CTNNA3: variants seen among roughly 807,000 people sequenced by gnomAD.
The protein encoded by CTNNA3 is catenin alpha 3, also known as catenin alpha-3.
A neutral mutation model predicts 95.7 loss-of-function variants in CTNNA3; 76 were observed. The ratio of observed to expected loss-of-function variants is 0.79; its 90% CI spans 0.66 to 0.96. CTNNA3 has a LOEUF of 0.96. CTNNA3 is among the 40% of genes least tolerant of loss of function. CTNNA3 has a pLI of 0.00. For missense variants in CTNNA3, 1,191 were observed against 1,089.8 expected, an observed-to-expected ratio of 1.09 and a Z score of -1.31; for synonymous variants, 431 against 374.4, an observed-to-expected ratio of 1.15 and a Z score of -1.74.
chr10:67,532,506 C>T (rs369357980), intron 4 of CTNNA3, among the ~76,000 whole-genome samples: 11 of 152,080 alleles, frequency 7.2e-5, no homozygotes, highest in Admixed American at 2.0e-4. Context: ...AATTCTGGAC[C>T]CATTTCCTGT....
chr10:66,408,579 G>A (rs1362266168), intron 11 of CTNNA3, among the ~76,000 whole-genome samples: 1 of 151,928 alleles, frequency 6.6e-6, no homozygotes, highest in African/African-American at 2.4e-5. Flanking sequence ...TCCTTAAGCT[G>A]TACAAAGTAT....
chr10:66,764,362 A>G (rs184032183), intron 9 of CTNNA3, among the ~76,000 whole-genome samples: 1 of 152,290 alleles, frequency 6.6e-6, no homozygotes, highest in East Asian at 1.9e-4. Flanking sequence ...CCTCGAAGGT[A>G]GTGTCTTAGT....
chr10:66,721,913 G>T (rs1001130910), intron 9 of CTNNA3, among the ~76,000 whole-genome samples: 5 of 152,056 alleles, frequency 3.3e-5, no homozygotes, highest in Non-Finnish European at 7.4e-5. Flanking sequence ...ACCATAAGTG[G>T]TGCAACACAG....
intron 7 of CTNNA3, among the ~76,000 whole-genome samples, chr10:66,878,528 T>G (rs1844716528): frequency 1.3e-5 from 2 of 152,086 alleles, no homozygotes; most frequent in Admixed American, 1.3e-4. Flanking sequence ...TGAACCAAAG[T>G]GTCTTCCTTT....
chr10:66,340,354 A>G (rs1338394337), intron 12 of CTNNA3, among the ~76,000 whole-genome samples: 1 of 151,878 alleles, frequency 6.6e-6, no homozygotes, highest in East Asian at 1.9e-4. Flanking sequence ...AGAGTCAGAG[A>G]GGTCAAGGAG....
intron 11 of CTNNA3, among the ~76,000 whole-genome samples, chr10:66,462,575 T>C (rs562776770): frequency 6.6e-6 from 1 of 152,234 alleles, no homozygotes; most frequent in East Asian, 1.9e-4. Context: ...TATAGTTCAA[T>C]ATCAAGTCAG....
At chr10:67,053,982 G>C (rs1474781540) in intron 7 of CTNNA3, among the ~76,000 whole-genome samples, 2 of 151,688 alleles carry the variant, frequency 1.3e-5, no homozygotes, top group Admixed American at 1.3e-4. Context: ...CTTAGGAAAA[G>C]TAACTCCCTC....
chr10:66,450,933 A>G (rs10822833), intron 11 of CTNNA3, among the ~76,000 whole-genome samples: 17,842 of 152,188 alleles, frequency 0.12, 1,515 homozygotes, highest in African/African-American at 0.24. Context: ...CGGTTTTAGC[A>G]GTTGCCAAAA....
chr10:66,496,148 G>C (rs990620102), intron 11 of CTNNA3, among the ~76,000 whole-genome samples: 1 of 152,032 alleles, frequency 6.6e-6, no homozygotes, highest in Admixed American at 6.6e-5. Flanking sequence ...TATATGTCAT[G>C]TGTCATATAT....
At chr10:67,197,728 C>A (rs374756534) in intron 6 of CTNNA3, among the ~76,000 whole-genome samples, 2 of 152,192 alleles carry the variant, frequency 1.3e-5, no homozygotes, top group South Asian at 4.1e-4. Context: ...AGTTAAAAAT[C>A]TGCTCTTTTC....
At chr10:67,672,821 T>C (rs1353186196) in intron 1 of CTNNA3, among the ~76,000 whole-genome samples, 2 of 152,120 alleles carry the variant, frequency 1.3e-5, no homozygotes, top group Non-Finnish European at 2.9e-5. Flanking sequence ...TCTTTTGGCT[T>C]AGGATTGACT....
intron 7 of CTNNA3, among the ~76,000 whole-genome samples, chr10:67,062,366 A>G (rs188917392): frequency 3.9e-5 from 6 of 152,214 alleles, no homozygotes; most frequent in Admixed American, 2.0e-4. Context: ...TCAAAGCAAT[A>G]ATCTGCATAG....
intron 5 of CTNNA3, among the ~76,000 whole-genome samples, chr10:67,413,711 A>T (rs985042024): frequency 2.0e-5 from 3 of 152,158 alleles, no homozygotes; most frequent in Admixed American, 6.5e-5. Flanking sequence ...TTCAGAAAGA[A>T]ATTGAAACTA....
chr10:66,090,030 C>T (rs2081154452), intron 14 of CTNNA3, among the ~76,000 whole-genome samples: 1 of 151,922 alleles, frequency 6.6e-6, no homozygotes, highest in East Asian at 1.9e-4. Flanking sequence ...GAATCTAATG[C>T]TACATTCGTG....
chr10:67,638,257 C>G (rs374637565), intron 2 of CTNNA3, among the ~76,000 whole-genome samples: 15 of 152,108 alleles, frequency 9.9e-5, no homozygotes, highest in Non-Finnish European at 1.8e-4. Context: ...AAGATCAAAA[C>G]AGACAAAGAA....
At chr10:67,203,785 G>A (rs1187610389) in intron 6 of CTNNA3, among the ~76,000 whole-genome samples, 2 of 152,060 alleles carry the variant, frequency 1.3e-5, no homozygotes, top group Non-Finnish European at 1.5e-5. Context: ...CATTAACAAA[G>A]TCCAAATTTC....
At position 66,101,189 on chromosome 10, in the gene CTNNA3, T is replaced by C. The variant is rs140879254; in HGVS notation, c.1977+1968A>G. 4.0e-4 allele frequency among the ~76,000 whole-genome samples: 61 copies of C among 152,302 alleles called. No individual in the cohort carries two copies. The East Asian group carries it at 9.7e-3, about 24-fold the overall frequency. ...CATAAGATGTGATCTCTACCAATGA[T>C]GCCAACTAGATTTGAAGGAAACTAA... On this transcript the variant is annotated intron_variant, in intron 14 of 17. Coordinates refer to ENST00000433211, the MANE Select transcript of CTNNA3 (RefSeq NM_013266.4).
intron 17 of CTNNA3, among the ~76,000 whole-genome samples, chr10:65,950,215 T>C (rs1410333912): frequency 6.6e-6 from 1 of 152,142 alleles, no homozygotes; most frequent in Non-Finnish European, 1.5e-5. Flanking sequence ...ACTTTAGTAT[T>C]CTTTCATATT....
At chr10:66,727,353 T>C (rs774234076) in intron 9 of CTNNA3, among the ~76,000 whole-genome samples, 4 of 152,038 alleles carry the variant, frequency 2.6e-5, no homozygotes, top group African/African-American at 7.2e-5. Flanking sequence ...TTTGAAAAAT[T>C]AGTCTAGCTC....
Sources: gnomAD v4.1 joint callset for allele counts (sites outside exome capture counted in the v4.1 genomes callset) on GRCh38, gnomAD v4.1.1 for gene constraint, MANE v1.5 for transcripts, NCBI Gene and HGNC (gene_info 2026-07-23, HGNC 2026-07-21) for gene names.